Variants in CAMKMT observed in about 807,000 individuals in gnomAD.
CAMKMT encodes calmodulin-lysine N-methyltransferase, also known as CaM KMT.
A neutral mutation model predicts 48.0 loss-of-function variants in CAMKMT; 53 were observed. The observed-to-expected ratio is 1.10, with a 90% CI of 0.89 to 1.39. CAMKMT has a LOEUF of 1.39. CAMKMT is among the 40% of genes most tolerant of loss of function. CAMKMT has a pLI of 0.00. For synonymous variants in CAMKMT, 165 were observed against 152.3 expected (o/e 1.08, Z -0.61); for missense variants, 428 against 402.7 (o/e 1.06, Z -0.54).
chr2:44,642,908 A>G (rs1673524629), intron 3 of CAMKMT, among the ~76,000 whole-genome samples: 1 of 152,192 alleles, frequency 6.6e-6, no homozygotes, highest in African/African-American at 2.4e-5. Context: ...GATGATTCTC[A>G]GGTAAAGGCT....
At chr2:44,511,990 G>A (rs1395165276) in intron 3 of CAMKMT, among the ~76,000 whole-genome samples, 1 of 152,138 alleles carries the variant, frequency 6.6e-6, no homozygotes, top group African/African-American at 2.4e-5. Context: ...CTTTAGAACA[G>A]GTATGAATGA....
intron 3 of CAMKMT, among the ~76,000 whole-genome samples, chr2:44,563,111 C>CGGGCATGCACCCGTTAACTCATCAT (rs1195446936): frequency 2.0e-5 from 3 of 152,002 alleles, no homozygotes; most frequent in South Asian, 2.1e-4. Flanking sequence ...TAAATTAAAA[C>CGGGCATGCACCCGTTAACTCATCAT]TTACAAGGTT....
intron 3 of CAMKMT, among the ~76,000 whole-genome samples, chr2:44,536,921 T>A (rs1666806786): frequency 6.6e-6 from 1 of 151,862 alleles, no homozygotes; most frequent in Non-Finnish European, 1.5e-5. Context: ...TAGGACAGTC[T>A]CCTCAATAAA....
At chr2:44,655,328 C>T (rs141213469) in intron 3 of CAMKMT, among the ~76,000 whole-genome samples, 51 of 152,226 alleles carry the variant, frequency 3.4e-4, no homozygotes, top group African/African-American at 1.2e-3. Flanking sequence ...TGCTGGTATT[C>T]TTCTAGTAAT....
intron 3 of CAMKMT, among the ~76,000 whole-genome samples, chr2:44,491,130 A>G (rs1394789839): frequency 6.9e-6 from 1 of 144,256 alleles, no homozygotes; most frequent in Non-Finnish European, 1.5e-5. Flanking sequence ...CAGCCTGAGC[A>G]GTAGAGCCAG....
At position 44,565,567 on chromosome 2, in the gene CAMKMT, T is replaced by C. The variant is rs111992706; in HGVS notation, c.377-138716T>C. ...CAGGAATAAACAGATTCTAAAGCAG[T>C]TCTTCTAAAATTTGGCTACACATTG... On this transcript the variant is annotated intron_variant, in intron 3 of 10. Coordinates refer to ENST00000378494, the MANE Select transcript of CAMKMT (RefSeq NM_024766.5). 2.1e-3 allele frequency among the ~76,000 whole-genome samples: 314 copies of C among 152,214 alleles called. 1 individual carries two copies. In the Middle Eastern group the frequency reaches 0.027, roughly 13 times the overall value.
chr2:44,641,232 T>C (rs1673434773), intron 3 of CAMKMT, among the ~76,000 whole-genome samples: 1 of 152,206 alleles, frequency 6.6e-6, no homozygotes, highest in African/African-American at 2.4e-5. Context: ...TTCTCTATCA[T>C]GATTTCTAAT....
chr2:44,684,491 A>C (rs1246782072), intron 3 of CAMKMT, among the ~76,000 whole-genome samples: 2 of 144,926 alleles, frequency 1.4e-5, no homozygotes, highest in Non-Finnish European at 3.0e-5. Flanking sequence ...AGAAGGGGAC[A>C]AAAAAAAAAA....
At chr2:44,687,965 A>C (rs1367579775) in intron 3 of CAMKMT, among the ~76,000 whole-genome samples, 1 of 152,230 alleles carries the variant, frequency 6.6e-6, no homozygotes, top group Non-Finnish European at 1.5e-5. Context: ...AGCAAGTGAT[A>C]AGCCTGTCTG....
chr2:44,428,853 C>T (rs866735243), intron 3 of CAMKMT, among the ~76,000 whole-genome samples: 2 of 152,174 alleles, frequency 1.3e-5, no homozygotes. Flanking sequence ...TACAGACTTT[C>T]AAGGATCTCA....
chr2:44,469,512 ACTTTT>A (rs10559376), intron 3 of CAMKMT, among the ~76,000 whole-genome samples: 5,702 of 152,050 alleles, frequency 0.038, 351 homozygotes, highest in African/African-American at 0.13. Flanking sequence ...GTAATCCATT[ACTTTT>A]CTTTTTCAGG....
intron 7 of CAMKMT, 37 bp from the exon 8 acceptor site, chr2:44,743,584 AC>A (rs1679795530): frequency 6.9e-7 from 1 of 1,458,026 alleles, no homozygotes. Flanking sequence ...TTTAAAAAAA[AC>A]CCTATGTATA....
In CAMKMT at chr2:44,555,841, A is replaced by G. The variant is rs543889236; in HGVS notation, c.377-148442A>G. On this transcript the variant is annotated intron_variant, in intron 3 of 10. Transcript: ENST00000378494. ...TGGCCAACCATGTCAAATCCTGCAG[A>G]GCTTTTGGTTAGGATGGGGACAGAA... Among the ~76,000 whole-genome samples the G allele has an allele frequency of 2.6e-5, 4 of 152,210 alleles. No individual in the cohort carries two copies. The East Asian group carries it at 7.8e-4, about 30-fold the overall frequency.
At chr2:44,705,458 C>G in intron 4 of CAMKMT, 1 of 985,376 alleles carries the variant, frequency 1.0e-6, no homozygotes, top group Non-Finnish European at 1.2e-6. Context: ...TTAAGCTTGA[C>G]TGGAGCTCCA....
chr2:44,375,320 G>A lies in CAMKMT; in HGVS notation c.311+2432G>A, dbSNP rs528112586. Among the ~76,000 whole-genome samples, 11 of 151,370 alleles carry A rather than the reference G, an allele frequency of 7.3e-5. No individual in the cohort carries two copies. The South Asian group carries it at 2.1e-3, about 29-fold the overall frequency. ...CAGTAATGATGATTGAAAAAAAAGG[G>A]ATGAATAGTGTTAAATTCAAACCAA... On this transcript the variant is annotated intron_variant, in intron 2 of 10. Coordinates refer to ENST00000378494, the MANE Select transcript of CAMKMT (RefSeq NM_024766.5).
intron 3 of CAMKMT, among the ~76,000 whole-genome samples, chr2:44,595,156 A>T (rs929953730): frequency 2.0e-5 from 3 of 151,982 alleles, no homozygotes; most frequent in Non-Finnish European, 4.4e-5. Flanking sequence ...GAAACAACAG[A>T]TGCTGGAGAG....
chr2:44,573,087 C>A (rs1669012569), intron 3 of CAMKMT, among the ~76,000 whole-genome samples: 1 of 151,954 alleles, frequency 6.6e-6, no homozygotes, highest in African/African-American at 2.4e-5. Context: ...TAAAAGTAAT[C>A]TTTTCATGTG....
intron 3 of CAMKMT, among the ~76,000 whole-genome samples, chr2:44,543,431 C>A (rs1021095265): frequency 6.6e-6 from 1 of 152,126 alleles, no homozygotes; most frequent in African/African-American, 2.4e-5. Flanking sequence ...AAAATAGTCT[C>A]TTTAGAATCA....
At chr2:44,437,838 C>CA (rs370663723) in intron 3 of CAMKMT, among the ~76,000 whole-genome samples, 43,760 of 120,134 alleles carry the variant, frequency 0.36, 9,314 homozygotes, top group Non-Finnish European at 0.49. Context: ...GACTCTGCTA[C>CA]AAAAAAAAAA....
Sources: allele counts gnomAD v4.1 joint callset (sites outside exome capture counted in the v4.1 genomes callset), GRCh38; gene constraint gnomAD v4.1.1; transcripts MANE v1.5; gene names NCBI Gene and HGNC (gene_info 2026-07-23, HGNC 2026-07-21).